The following LRRIQ1 variants were observed in gnomAD, a reference collection of about 807,000 sequenced individuals.
LRRIQ1 encodes leucine rich repeats and IQ motif containing 1.
Under a neutral mutation model 211.9 loss-of-function variants are expected in LRRIQ1, and 210 were observed. That is an observed-to-expected ratio of 0.99 (90% CI 0.89 to 1.11). The LOEUF (loss-of-function observed/expected upper bound fraction) is 1.11, where lower values mean the gene tolerates loss of function less well. Among genes scored for constraint, LRRIQ1 ranks in the 50% most tolerant of loss-of-function variants. The pLI, the probability that LRRIQ1 is intolerant of heterozygous loss-of-function variation, is 0.00. For synonymous variants in LRRIQ1, 699 were observed against 650.1 expected, an observed-to-expected ratio of 1.08 and a Z score of -1.14; for missense variants, 2,136 against 1,939.5, an observed-to-expected ratio of 1.10 and a Z score of -1.90.
intron 23 of LRRIQ1, 103 bp downstream of exon 23, chr12:85,154,197 A>C (rs895559937): frequency 9.1e-6 from 5 of 552,476 alleles, no homozygotes; most frequent in Non-Finnish European, 1.2e-5. Flanking sequence ...ACAGTAATCA[A>C]TTCACAGATG....
At chr12:85,216,252 A>T (rs531615024) in intron 24 of LRRIQ1, among the ~76,000 whole-genome samples, 1 of 152,128 alleles carries the variant, frequency 6.6e-6, no homozygotes, top group South Asian at 2.1e-4. Context: ...CCCACTTATG[A>T]GTGAGAACAT....
downstream of LRRIQ1, among the ~76,000 whole-genome samples, chr12:85,247,191 T>C (rs1895750960): frequency 6.6e-6 from 1 of 151,630 alleles, no homozygotes; most frequent in Non-Finnish European, 1.5e-5. Flanking sequence ...TTTGGCTTAG[T>C]CTATTTTTCT....
intron 24 of LRRIQ1, among the ~76,000 whole-genome samples, chr12:85,164,189 G>C (rs1293371842): frequency 3.3e-5 from 5 of 152,062 alleles, no homozygotes; most frequent in African/African-American, 9.7e-5. Context: ...CTGCAGCCAA[G>C]TTTCTTTTTT....
At chr12:85,118,499 G>GTTTTT (rs71445022) in intron 15 of LRRIQ1, among the ~76,000 whole-genome samples, 6 of 127,860 alleles carry the variant, frequency 4.7e-5, no homozygotes, top group South Asian at 2.6e-4. Flanking sequence ...GAAAAACTAT[G>GTTTTT]TTTTTTTTTT....
Position 85,056,408 on chromosome 12 carries a change from A to T in LRRIQ1, c.1615A>T (p.Lys539Ter). The change falls in exon 8 of 27, where the codon AAA becomes TAA. Residue 539 changes from lysine (K) to a stop codon, truncating the protein, a stop_gained. Transcript: ENST00000393217. LOFTEE classifies it high-confidence loss of function. ...ELKSDAQKEE[K>*]IMKHVINENT... ...AAAGTCTGATGCACAAAAAGAAGAAAAAATCATGAAACATGTCATAAATGA... is the reference window on the plus strand; with the variant it reads ...AAAGTCTGATGCACAAAAAGAAGAATAAATCATGAAACATGTCATAAATGA... The T allele has an allele frequency of 6.3e-7, 1 of 1,588,084 alleles. No homozygotes were observed.
chr12:85,084,768 A>G (rs1228987814), intron 11 of LRRIQ1, among the ~76,000 whole-genome samples: 1 of 152,032 alleles, frequency 6.6e-6, no homozygotes, highest in African/African-American at 2.4e-5. Context: ...TCTACTAAAA[A>G]TACAAAAATT....
intron 24 of LRRIQ1, among the ~76,000 whole-genome samples, chr12:85,209,309 G>A (rs1893721984): frequency 6.6e-6 from 1 of 152,130 alleles, no homozygotes; most frequent in Admixed American, 6.5e-5. Flanking sequence ...CTCTTCACAT[G>A]GTGGCAGTGA....
chr12:85,121,087 C>T (rs1887948300), intron 15 of LRRIQ1, among the ~76,000 whole-genome samples: 1 of 152,230 alleles, frequency 6.6e-6, no homozygotes, highest in Admixed American at 6.5e-5. Flanking sequence ...CCTGCCTCAG[C>T]CTCCCGGCTA....
intron 26 of LRRIQ1, among the ~76,000 whole-genome samples, chr12:85,240,655 A>G (rs1285166971): frequency 6.6e-6 from 1 of 152,186 alleles, no homozygotes; most frequent in Non-Finnish European, 1.5e-5. Flanking sequence ...TACAGTGGAT[A>G]TACAACACAC....
At chr12:85,065,912 C>T (rs192341730) in intron 9 of LRRIQ1, among the ~76,000 whole-genome samples, 54 of 152,020 alleles carry the variant, frequency 3.6e-4, no homozygotes, top group African/African-American at 1.3e-3. Context: ...TCTGGGGCTT[C>T]TTTCCAGGGT....
At position 85,087,035 on chromosome 12, in the gene LRRIQ1, C is replaced by T. The variant is rs777034; in HGVS notation, c.2888-11320C>T. 4.7e-3 allele frequency among the ~76,000 whole-genome samples: 718 copies of T among 152,092 alleles called. 2 individuals are homozygous for T. Among genetic ancestry groups the T allele is most frequent in the African/African-American group, 0.016 (680 of 41,422 alleles). Reference sequence around the variant, plus strand: ...TGTATACATGTGCCATGTTGGTGTACTGCACCCATTAACTCGTCATTTACA... The same window carrying T: ...TGTATACATGTGCCATGTTGGTGTATTGCACCCATTAACTCGTCATTTACA... On this transcript the variant is annotated intron_variant, in intron 11 of 26. Coordinates refer to ENST00000393217, the MANE Select transcript of LRRIQ1 (RefSeq NM_001079910.2).
At chr12:85,153,787 T>G in intron 22 of LRRIQ1, 29 bp downstream of exon 22, 2 of 1,357,820 alleles carry the variant, frequency 1.5e-6, no homozygotes, top group South Asian at 2.7e-5. Context: ...ACTAATAAAT[T>G]AAAAAATTGA....
downstream of LRRIQ1, among the ~76,000 whole-genome samples, chr12:85,247,386 G>A (rs1895759399): frequency 1.3e-5 from 2 of 151,434 alleles, no homozygotes; most frequent in African/African-American, 4.8e-5. Context: ...AGTACTTTGT[G>A]GACTACAGCT....
chr12:85,193,075 T>A (rs1188926733), intron 24 of LRRIQ1, among the ~76,000 whole-genome samples: 1 of 117,926 alleles, frequency 8.5e-6, no homozygotes, highest in East Asian at 2.2e-4. Context: ...ATATTATATT[T>A]TATTATATAT....
chr12:85,228,698 C>T (rs577379109), intron 24 of LRRIQ1, among the ~76,000 whole-genome samples: 4 of 152,282 alleles, frequency 2.6e-5, no homozygotes, highest in East Asian at 3.9e-4. Flanking sequence ...TGTGTCTGCA[C>T]GTACATGCAC....
At chr12:85,079,184 G>A (rs1426930930) in intron 11 of LRRIQ1, among the ~76,000 whole-genome samples, 1 of 151,626 alleles carries the variant, frequency 6.6e-6, no homozygotes, top group Non-Finnish European at 1.5e-5. Context: ...GCATCTCTGG[G>A]AGGTCTCTGG....
chr12:85,218,433 A>G (rs955212827), intron 24 of LRRIQ1, among the ~76,000 whole-genome samples: 1 of 152,052 alleles, frequency 6.6e-6, no homozygotes, highest in African/African-American at 2.4e-5. Context: ...TGGCTAGTAA[A>G]TCCTTACTAT....
chr12:85,174,708 A>AAAAAAAAAAAAAAAAAAC (rs1891600107), intron 24 of LRRIQ1, among the ~76,000 whole-genome samples: 1 of 148,614 alleles, frequency 6.7e-6, no homozygotes, highest in Non-Finnish European at 1.5e-5. Context: ...GCTCAAAAAA[A>AAAAAAAAAAAAAAAAAAC]AAAAAAAAAA....
intron 1 of LRRIQ1, among the ~76,000 whole-genome samples, chr12:85,261,003 A>T (rs1287320653): frequency 2.0e-5 from 3 of 152,222 alleles, no homozygotes; most frequent in Non-Finnish European, 4.4e-5. Context: ...AGAGTAGCTC[A>T]GCGTAGAATG....
Sources: allele counts gnomAD v4.1 joint callset (sites outside exome capture counted in the v4.1 genomes callset), GRCh38; gene constraint gnomAD v4.1.1; transcripts MANE v1.5; gene names NCBI Gene and HGNC (gene_info 2026-07-23, HGNC 2026-07-21).